Variants in TNPO2 observed in about 807,000 individuals in gnomAD.
TNPO2 encodes transportin 2.
A neutral mutation model predicts 111.1 loss-of-function variants in TNPO2; 16 were observed. That is an observed-to-expected ratio of 0.14 (90% confidence interval 0.10 to 0.22). The LOEUF (loss-of-function observed/expected upper bound fraction) is 0.22, where lower values mean the gene tolerates loss of function less well. TNPO2 is among the 10% of genes least tolerant of loss of function. TNPO2 has a pLI of 1.00. For synonymous variants in TNPO2, 481 were observed against 475.8 expected (o/e 1.01, Z -0.14); for missense variants, 530 against 1,173.7 (o/e 0.45, Z 8.01).
chr19:12,702,242 G>A lies in TNPO2; in HGVS notation c.2306-65C>T, dbSNP rs920346744. ...CCTCTGGCACAAGGCACCAAGCCCC[G>A]CCCCATGAGCCCCAAGGGAATGGCT... On this transcript the variant is annotated intron_variant, in intron 21 of 25. Transcript: ENST00000425528. This position sits in a 1 kb window ranked among gnomAD's most constrained non-coding sequence, Gnocchi z 5.5. The A allele has an allele frequency of 2.0e-5, 27 of 1,383,672 alleles. No individual in the cohort carries two copies. The highest frequency in any genetic ancestry group is 4.3e-5 in the African/African-American group (3 of 69,512). 85.7% of individuals were successfully genotyped at this position (1,383,672 alleles called of 1,614,324 possible).
rs1374249619 is a variant in TNPO2, at chr19:12,700,752, C to T, written c.*512G>A. 6.6e-6 allele frequency: 1 copy of T among 152,040 alleles called. No individual in the cohort carries two copies. The highest frequency in any genetic ancestry group is 2.4e-5 in the African/African-American group (1 of 41,180). The allele number at this position is 152,040 out of a possible 1,614,324, so 9.4% of individuals were successfully genotyped here. ...ACACGGAAGGCCTTACGGGTTAACT[C>T]AGGGGTTCACTAATTCTACTGTCTC... On this transcript the variant is annotated 3_prime_UTR_variant, in exon 26 of 26. Coordinates refer to ENST00000425528, the MANE Select transcript of TNPO2 (RefSeq NM_001382241.1).
rs1599425257 is a variant in TNPO2, at chr19:12,715,831, T to G, written c.326-92A>C. The G allele has an allele frequency of 1.1e-5, 11 of 1,027,722 alleles. No homozygotes were observed. In the East Asian group the frequency reaches 2.9e-4, roughly 27 times the overall value. 63.7% of individuals were successfully genotyped at this position (1,027,722 alleles called of 1,614,324 possible). A position where few individuals can be genotyped will look rare whatever the true frequency, so the allele number is the denominator to read the frequency against. ...CTGGACACCCCCAGTGCTGCCTTTC[T>G]GTTCCCTAGCCCATGTACGCCCTCT... On this transcript the variant is annotated intron_variant, in intron 5 of 25. Coordinates refer to ENST00000425528, the MANE Select transcript of TNPO2 (RefSeq NM_001382241.1). The surrounding 1 kb of genome is among the most constrained non-coding windows in gnomAD (Gnocchi z 7.1).
Position 12,706,489 on chromosome 19 carries a change from A to G in TNPO2, c.1496+81T>C, listed in dbSNP as rs775265159. On this transcript the variant is annotated intron_variant, in intron 14 of 25. Transcript: ENST00000425528. The surrounding 1 kb of genome is among the most constrained non-coding windows in gnomAD (Gnocchi z 7.0). ...CGAATACGCGATAAATCAGTTCCAC[A>G]TCAACAGTCACAGGTGTCATCACTT... 8.4e-5 allele frequency: 132 copies of G among 1,576,344 alleles called. No homozygotes were observed. Among genetic ancestry groups the G allele is most frequent in the Admixed American group, 3.3e-5 (2 of 59,970 alleles).
At chr19:12,722,962 C>G (rs1012188712) in intron 2 of TNPO2, among the ~76,000 whole-genome samples, 1 of 152,166 alleles carries the variant, frequency 6.6e-6, no homozygotes, top group Non-Finnish European at 1.5e-5. Flanking sequence ...AAATGTGCCT[C>G]CCTTCCCCCA....
chr19:12,701,226 G>A lies in TNPO2; in HGVS notation c.*38C>T, dbSNP rs1381356018. 9.0e-6 allele frequency: 7 copies of A among 780,498 alleles called. No homozygotes were observed. Among genetic ancestry groups the A allele is most frequent in the African/African-American group, 3.5e-5 (2 of 56,802 alleles). The allele number at this position is 780,498 out of a possible 1,614,324, so 48.3% of individuals were successfully genotyped here. A position where few individuals can be genotyped will look rare whatever the true frequency, so the allele number is the denominator to read the frequency against. ...CGCACTCCCCAGTAATCCCTCCGAC[G>A]ACGACGCAGACAGAAACCTGCAGGG... On this transcript the variant is annotated 3_prime_UTR_variant, in exon 26 of 26. Coordinates refer to ENST00000425528, the MANE Select transcript of TNPO2 (RefSeq NM_001382241.1). This position sits in a 1 kb window ranked among gnomAD's most constrained non-coding sequence, Gnocchi z 5.0.
chr19:12,699,464 T>A lies in TNPO2; in HGVS notation c.*1800A>T, dbSNP rs868115219. ...ATTAAAAAATTAAATAGTTTTTTTT[T>A]AAAAAAAAAAAAAAAAAGGAAAACG... On this transcript the variant is annotated 3_prime_UTR_variant, in exon 26 of 26. Transcript: ENST00000425528. The A allele has an allele frequency of 9.6e-3, 1,146 of 118,980 alleles. 3 individuals carry two copies. Among genetic ancestry groups the A allele is most frequent in the African/African-American group, 0.017 (364 of 21,292 alleles). The allele number at this position is 118,980 out of a possible 1,614,324, so 7.4% of individuals were successfully genotyped here. A position where few individuals can be genotyped will look rare whatever the true frequency, so the allele number is the denominator to read the frequency against.
At chr19:12,704,045 G>A (rs1037352568) in intron 18 of TNPO2, among the ~76,000 whole-genome samples, 6 of 152,122 alleles carry the variant, frequency 3.9e-5, no homozygotes, top group Non-Finnish European at 7.4e-5. Flanking sequence ...AAAAATCCAC[G>A]GATGTGCAAG....
chr19:12,719,115 C>G lies in TNPO2; in HGVS notation c.239G>C (p.Ser80Thr). Residue 80 changes from serine to threonine, a missense_variant, in exon 5 of 26, where the codon AGC becomes ACC. By Grantham distance (58) the Ser-to-Thr change is moderately conservative. This residue lies in a region of TNPO2 where 156 missense variants were observed against 405.8 expected (regional missense o/e 0.38). Coordinates refer to ENST00000425528, the MANE Select transcript of TNPO2 (RefSeq NM_001382241.1). This position sits in a 1 kb window ranked among gnomAD's most constrained non-coding sequence, Gnocchi z 5.0. ...LKNNVKAHYQ[S>T]FPPPVADFIK... ...GAAGTCTGCCACAGGGGGTGGGAAG[C>G]TCTGATAGTGTGCCTTCACGTTGTT... is the stretch of plus-strand genomic sequence containing the variant. The G allele has an allele frequency of 6.2e-7, 1 of 1,613,996 alleles. No homozygotes were observed. Among genetic ancestry groups the G allele is most frequent in the Non-Finnish European group, 8.5e-7 (1 of 1,179,892 alleles).
intron 13 of TNPO2, among the ~76,000 whole-genome samples, chr19:12,707,874 A>G (rs2025792407): frequency 6.6e-6 from 1 of 151,632 alleles, no homozygotes; most frequent in Non-Finnish European, 1.5e-5. Context: ...AAGCTGAAGT[A>G]CAGTTGCACA....
At chr19:12,710,410 C>G (rs2025970645) in intron 13 of TNPO2, among the ~76,000 whole-genome samples, 1 of 152,168 alleles carries the variant, frequency 6.6e-6, no homozygotes, top group Non-Finnish European at 1.5e-5. Flanking sequence ...AAAGAACTAC[C>G]TGCCTGCAAG....
chr19:12,702,746 T>C lies in TNPO2; in HGVS notation c.2305+77A>G. ...CTTGGTTCCTTGACAAGGCTCTTTCTGATGCCCTTCCCAGCCCAGAACCCC... is the reference window on the plus strand; with the variant it reads ...CTTGGTTCCTTGACAAGGCTCTTTCCGATGCCCTTCCCAGCCCAGAACCCC... On this transcript the variant is annotated intron_variant, in intron 21 of 25. Coordinates refer to ENST00000425528, the MANE Select transcript of TNPO2 (RefSeq NM_001382241.1). This position sits in a 1 kb window ranked among gnomAD's most constrained non-coding sequence, Gnocchi z 5.5. The C allele has an allele frequency of 7.4e-7, 1 of 1,359,816 alleles. No homozygotes were observed. The highest frequency in any genetic ancestry group is 1.0e-6 in the Non-Finnish European group (1 of 956,968). 84.2% of individuals were successfully genotyped at this position (1,359,816 alleles called of 1,614,324 possible).
rs770879030 is a variant in TNPO2 at position 12,714,952 on chromosome 19, G to T, written c.772-13C>A. The T allele has an allele frequency of 6.2e-7, 1 of 1,605,264 alleles. No individual in the cohort carries two copies. Among genetic ancestry groups the T allele is most frequent in the Non-Finnish European group, 8.5e-7 (1 of 1,176,280 alleles). ...TCTGCAGCATGTACTGTGGTAGGGGGGAGAAGCTGAGGCCTGGCCTGGCTG... is the reference window on the plus strand; with the variant it reads ...TCTGCAGCATGTACTGTGGTAGGGGTGAGAAGCTGAGGCCTGGCCTGGCTG... On this transcript the variant is annotated splice_polypyrimidine_tract_variant and intron_variant, in intron 9 of 25. Coordinates refer to ENST00000425528, the MANE Select transcript of TNPO2 (RefSeq NM_001382241.1).
At chr19:12,720,856 GC>G (rs2026648302) in intron 3 of TNPO2, 22 bp downstream of exon 3, 1 of 1,571,608 alleles carries the variant, frequency 6.4e-7, no homozygotes, top group Non-Finnish European at 8.6e-7. Flanking sequence ...GGCTCCCCCA[GC>G]CCCGGAAGGA....
rs1393159268 is a variant in TNPO2, at chr19:12,702,057, C to G, written c.2411+15G>C. 6.2e-7 allele frequency: 1 copy of G among 1,611,838 alleles called. No homozygotes were observed. The highest frequency in any genetic ancestry group is 1.7e-5 in the Admixed American group (1 of 60,016). On this transcript the variant is annotated intron_variant, in intron 22 of 25. Transcript: ENST00000425528. The surrounding 1 kb of genome is among the most constrained non-coding windows in gnomAD (Gnocchi z 5.5). ...CCCGCCCACCACACAGCAGGCTTGA[C>G]ACGTGGACACACACCAAGGCCGGAT...
intron 12 of TNPO2, 115 bp downstream of exon 12, chr19:12,711,181 A>G (rs757627192): frequency 4.3e-6 from 6 of 1,410,940 alleles, no homozygotes; most frequent in Non-Finnish European, 5.8e-6. Context: ...GGCGTAAGCC[A>G]CTGCGCCCGG....
rs1212395891 is a variant in TNPO2, at chr19:12,703,876, T to TCA, written c.2023-76_2023-75insTG. On this transcript the variant is annotated intron_variant, in intron 18 of 25. Coordinates refer to ENST00000425528, the MANE Select transcript of TNPO2 (RefSeq NM_001382241.1). ...AGGACAGCTCAGGGGGCACAGTCCCTGGTGCATGTCCAGCCTCTGCCACTT... is the reference window on the plus strand; with the variant it reads ...AGGACAGCTCAGGGGGCACAGTCCCTCAGGTGCATGTCCAGCCTCTGCCACTT... 858 of 1,314,652 alleles carry TCA rather than the reference T, an allele frequency of 6.5e-4. 8 individuals are homozygous for TCA. In the African/African-American group the frequency reaches 0.011, roughly 16 times the overall value. The allele number at this position is 1,314,652 out of a possible 1,614,324, so 81.4% of individuals were successfully genotyped here. A position where few individuals can be genotyped will look rare whatever the true frequency, so the allele number is the denominator to read the frequency against.
chr19:12,703,361 A>G (rs959911901), intron 20 of TNPO2, 67 bp downstream of exon 20: 1 of 1,459,536 alleles, frequency 6.9e-7, no homozygotes. Flanking sequence ...AGTCAGAGCT[A>G]GGCTCCCGCC....
rs572030238 is a variant in TNPO2, at chr19:12,711,522, G to T, written c.951+31C>A. The T allele has an allele frequency of 3.1e-6, 5 of 1,613,826 alleles. No individual in the cohort carries two copies. The South Asian group carries it at 5.5e-5, about 18-fold the overall frequency. On this transcript the variant is annotated intron_variant, in intron 11 of 25. Transcript: ENST00000425528. The stretch of plus-strand genomic sequence containing the variant: ...CCACAGCCGCGACACCCACGCCCAT[G>T]CCCACCCATGCTGGGTGGGCCCTGC...
intron 5 of TNPO2, among the ~76,000 whole-genome samples, chr19:12,716,888 G>A (rs546380214): frequency 5.9e-5 from 9 of 152,238 alleles, no homozygotes; most frequent in Non-Finnish European, 1.0e-4. Context: ...AAGGCCTGGC[G>A]TAAGGACAGG....
Sources: gnomAD v4.1 joint callset for allele counts (sites outside exome capture counted in the v4.1 genomes callset) on GRCh38, gnomAD v4.1.1 for gene constraint, gnomAD v4.1.1 regional missense constraint, Gnocchi (gnomAD v3.1) non-coding constraint, MANE v1.5 for transcripts, NCBI Gene and HGNC (gene_info 2026-07-23, HGNC 2026-07-21) for gene names.